MAPT: variants seen among roughly 807,000 people sequenced by gnomAD.
MAPT encodes the protein microtubule-associated protein tau.
A neutral mutation model predicts 67.9 loss-of-function variants in MAPT; 34 were observed. The ratio of observed to expected loss-of-function variants is 0.50; its 90% CI spans 0.38 to 0.67. The LOEUF is 0.67. Among genes scored for constraint, MAPT ranks in the 30% least tolerant of loss-of-function variants. The pLI, the probability that MAPT is intolerant of heterozygous loss-of-function variation, is 0.00. For missense variants in MAPT, 881 were observed against 1,115.2 expected (o/e 0.79, Z 2.99); for synonymous variants, 456 against 464.5 (o/e 0.98, Z 0.23).
chr17:45,977,596 A>C (rs932747023), intron 3 of MAPT: 1 of 152,178 alleles, frequency 6.6e-6, no homozygotes, highest in Non-Finnish European at 1.5e-5. Flanking sequence ...GGTACTATTA[A>C]TGTGGTCAGG....
Position 45,990,080 on chromosome 17 carries a change from G to C in MAPT, c.1605+5G>C, listed in dbSNP as rs1417903263. Reference sequence around the variant, plus strand: ...GCAAAGGAGATGAAACTCAAGGTAAGGAAACCACCTTTGAAAAGAACCAGG... The same window carrying C: ...GCAAAGGAGATGAAACTCAAGGTAACGAAACCACCTTTGAAAAGAACCAGG... On this transcript the variant is annotated splice_donor_5th_base_variant and intron_variant, in intron 7 of 12. Transcript: ENST00000262410. 1 of 1,613,794 alleles carries C rather than the reference G, an allele frequency of 6.2e-7. No individual in the cohort carries two copies. Among genetic ancestry groups the C allele is most frequent in the African/African-American group, 1.3e-5 (1 of 74,902 alleles).
intron 5 of MAPT, among the ~76,000 whole-genome samples, chr17:45,986,122 G>T (rs182180972): frequency 8.5e-5 from 13 of 152,380 alleles, no homozygotes; most frequent in African/African-American, 2.9e-4. Flanking sequence ...GATGTTGTCT[G>T]TGGGAATGTA....
intron 1 of MAPT, among the ~76,000 whole-genome samples, chr17:45,934,640 C>T (rs953185371): frequency 1.3e-5 from 2 of 152,290 alleles, no homozygotes; most frequent in East Asian, 1.9e-4. Context: ...GACTTGCGCA[C>T]GTAACCATGT....
chr17:45,904,281 T>A (rs1272945403), intron 1 of MAPT, among the ~76,000 whole-genome samples: 1 of 47,522 alleles, frequency 2.1e-5, no homozygotes, highest in African/African-American at 6.4e-5. Flanking sequence ...TTTTTATATA[T>A]ATAATATGTA....
At chr17:46,003,038 C>T (rs2075135760) in intron 9 of MAPT, among the ~76,000 whole-genome samples, 1 of 152,020 alleles carries the variant, frequency 6.6e-6, no homozygotes, top group South Asian at 2.1e-4. Context: ...CCTGCCTCAG[C>T]CTCGCAAATT....
intron 1 of MAPT, among the ~76,000 whole-genome samples, chr17:45,949,200 G>A (rs1332672959): frequency 6.6e-6 from 1 of 152,232 alleles, no homozygotes; most frequent in Non-Finnish European, 1.5e-5. Context: ...CACCGCGGGC[G>A]CCTGGTGCGC....
intron 4 of MAPT, among the ~76,000 whole-genome samples, chr17:45,981,072 G>T (rs1319945144): frequency 6.6e-6 from 1 of 152,170 alleles, no homozygotes; most frequent in East Asian, 1.9e-4. Context: ...GTGCTGCTGC[G>T]CTCTGACCGG....
intron 1 of MAPT, chr17:45,898,292 C>T (rs577712152): frequency 1.3e-5 from 2 of 152,298 alleles, no homozygotes; most frequent in East Asian, 1.9e-4. Flanking sequence ...GCTGGAAGGG[C>T]GTGACTTTTA....
chr17:45,954,834 A>G (rs8071478), intron 1 of MAPT, among the ~76,000 whole-genome samples: 1,950 of 151,870 alleles, frequency 0.013, 42 homozygotes, highest in African/African-American at 0.045. Flanking sequence ...CAAAAAAAAA[A>G]TTAGCCGGGC....
At chr17:45,956,573 TATATATATATATATATATATATATA>T (rs1310177861) in intron 1 of MAPT, among the ~76,000 whole-genome samples, 2,716 of 24,544 alleles carry the variant, frequency 0.11, 109 homozygotes, top group African/African-American at 0.18. Context: ...TATATATATA[TATATATATATATATATATATATATA>T]TATTTTTTAT....
chr17:45,961,084 C>A (rs2070356208), intron 1 of MAPT, among the ~76,000 whole-genome samples: 1 of 152,028 alleles, frequency 6.6e-6, no homozygotes, highest in African/African-American at 2.4e-5. Context: ...AATGGGGCAA[C>A]CCGAATTGGC....
rs141260870 is a variant in MAPT at position 45,901,429 on chromosome 17, C to T, written c.-18+6743C>T. 5.8e-3 allele frequency among the ~76,000 whole-genome samples: 890 copies of T among 152,288 alleles called. 4 individuals are homozygous for T. Among genetic ancestry groups the T allele is most frequent in the Non-Finnish European group, 9.4e-3 (641 of 68,024 alleles). On this transcript the variant is annotated intron_variant, in intron 1 of 12. Transcript: ENST00000262410. ...AAGAGATTTTACAAATGAAGTAATT[C>T]AACAGAGTGCTGACATTGGTAAACT...
chr17:45,945,480 C>T (rs140359269), intron 1 of MAPT, among the ~76,000 whole-genome samples: 214 of 152,262 alleles, frequency 1.4e-3, no homozygotes, highest in Middle Eastern at 6.8e-3. Flanking sequence ...CTCTCAACAG[C>T]GATGCTACAA....
chr17:45,981,694 C>CG (rs1021202643), intron 4 of MAPT, among the ~76,000 whole-genome samples: 3 of 151,986 alleles, frequency 2.0e-5, no homozygotes, highest in Non-Finnish European at 2.9e-5. Flanking sequence ...GGGCTTGAGG[C>CG]GGGGTTTGTG....
At chr17:46,006,005 C>T (rs972429705) in intron 9 of MAPT, among the ~76,000 whole-genome samples, 5 of 151,976 alleles carry the variant, frequency 3.3e-5, no homozygotes, top group African/African-American at 9.7e-5. Flanking sequence ...AACGTGGGGA[C>T]GGTGGGCAAG....
chr17:45,987,872 G>C (rs575791580), intron 6 of MAPT, among the ~76,000 whole-genome samples: 6 of 152,196 alleles, frequency 3.9e-5, no homozygotes, highest in Non-Finnish European at 8.8e-5. Context: ...ACAGCTGCTT[G>C]TCAATCACGG....
chr17:45,973,331 G>A (rs577141913), intron 3 of MAPT: 5 of 152,280 alleles, frequency 3.3e-5, no homozygotes, highest in African/African-American at 7.2e-5. Flanking sequence ...TTGTCGGGAC[G>A]GTTTTACAAG....
intron 11 of MAPT, among the ~76,000 whole-genome samples, chr17:46,018,254 G>C (rs1012741328): frequency 3.9e-5 from 6 of 152,100 alleles, no homozygotes; most frequent in African/African-American, 1.4e-4. Flanking sequence ...ATCTCAAGAA[G>C]AAGAGTTTAC....
intron 3 of MAPT, chr17:45,974,431 T>C: frequency 6.2e-7 from 1 of 1,610,708 alleles, no homozygotes; most frequent in East Asian, 2.2e-5. Context: ...GCAAGCAGGC[T>C]GCCGCGCAGC....
Sources: gnomAD v4.1 joint callset for allele counts (sites outside exome capture counted in the v4.1 genomes callset) on GRCh38, gnomAD v4.1.1 for gene constraint, MANE v1.5 for transcripts, NCBI Gene and HGNC (gene_info 2026-07-23, HGNC 2026-07-21) for gene names.